Variants in ROCK1 observed in about 807,000 individuals in gnomAD.
The protein encoded by ROCK1 is rho-associated protein kinase 1.
In ROCK1, 36 loss-of-function variants were observed where a neutral mutation model predicts 196.8. The ratio of observed to expected loss-of-function variants is 0.18; its 90% CI spans 0.14 to 0.24. ROCK1 has a LOEUF of 0.24. Among genes scored for constraint, ROCK1 ranks in the 10% least tolerant of loss-of-function variants. ROCK1 has a pLI of 1.00. For missense variants in ROCK1, 920 were observed against 1,562.0 expected, an observed-to-expected ratio of 0.59 and a Z score of 6.93; for synonymous variants, 443 against 515.9, an observed-to-expected ratio of 0.86 and a Z score of 1.91.
intron 6 of ROCK1, 25 bp downstream of exon 6, chr18:21,044,077 C>T (rs1477228093): frequency 1.4e-6 from 2 of 1,446,310 alleles, no homozygotes; most frequent in Non-Finnish European, 9.6e-7. Flanking sequence ...TTAGCAAAAA[C>T]TAAATTAAAA....
intron 27 of ROCK1, among the ~76,000 whole-genome samples, chr18:20,961,433 A>T (rs2035325255): frequency 6.6e-6 from 1 of 152,186 alleles, no homozygotes; most frequent in South Asian, 2.1e-4. Flanking sequence ...AAGTCCATGA[A>T]TACAGGATAT....
chr18:21,104,106 A>G (rs751370182), intron 1 of ROCK1, among the ~76,000 whole-genome samples: 8 of 152,204 alleles, frequency 5.3e-5, no homozygotes, highest in Non-Finnish European at 1.2e-4. Context: ...ATAGAACTCT[A>G]TATATAATAT....
At chr18:21,096,498 G>A (rs2036614429) in intron 1 of ROCK1, among the ~76,000 whole-genome samples, 1 of 152,164 alleles carries the variant, frequency 6.6e-6, no homozygotes, top group Non-Finnish European at 1.5e-5. Context: ...ACCATGCCCA[G>A]CCTGTCTACA....
chr18:21,062,368 A>G (rs1238691021), intron 2 of ROCK1, among the ~76,000 whole-genome samples: 1 of 152,108 alleles, frequency 6.6e-6, no homozygotes, highest in African/African-American at 2.4e-5. Context: ...AAAAATGAGA[A>G]CAATTTAAGT....
chr18:21,023,570 C>T lies in ROCK1; in HGVS notation c.1272+50G>A, dbSNP rs747901724. On this transcript the variant is annotated intron_variant, in intron 11 of 32. Transcript: ENST00000399799. Reference sequence around the variant, plus strand: ...ACTATCATACCCACAAATATATTATCCACAAAACAATTTTAAAAACAATTT... The same window carrying T: ...ACTATCATACCCACAAATATATTATTCACAAAACAATTTTAAAAACAATTT... 36 of 1,003,346 alleles carry T rather than the reference C, an allele frequency of 3.6e-5. No homozygotes were observed. In the African/African-American group the frequency reaches 5.7e-4, roughly 16 times the overall value. 62.2% of individuals were successfully genotyped at this position (1,003,346 alleles called of 1,614,324 possible). A position where few individuals can be genotyped will look rare whatever the true frequency, so the allele number is the denominator to read the frequency against.
intron 9 of ROCK1, among the ~76,000 whole-genome samples, chr18:21,031,639 A>G: frequency 6.6e-6 from 1 of 151,220 alleles, no homozygotes; most frequent in East Asian, 1.9e-4. Flanking sequence ...AATAATATAG[A>G]AACCACCTCT....
chr18:20,959,079 T>TA (rs1289994985), intron 29 of ROCK1, among the ~76,000 whole-genome samples: 4 of 33,340 alleles, frequency 1.2e-4, no homozygotes, highest in Non-Finnish European at 1.7e-4. Flanking sequence ...TTATATAATA[T>TA]ATATATTTTA....
intron 1 of ROCK1, among the ~76,000 whole-genome samples, chr18:21,071,428 C>CA (rs2036384832): frequency 1.3e-5 from 2 of 152,124 alleles, no homozygotes; most frequent in Admixed American, 6.5e-5. Flanking sequence ...GCTCCTGTCT[C>CA]AGAGTCCCAA....
chr18:20,987,903 G>A (rs990201933), intron 18 of ROCK1, among the ~76,000 whole-genome samples: 1 of 151,910 alleles, frequency 6.6e-6, no homozygotes, highest in African/African-American at 2.4e-5. Flanking sequence ...ATGTTCTTCT[G>A]ACTCTTGGTA....
intron 1 of ROCK1, among the ~76,000 whole-genome samples, chr18:21,092,833 T>C (rs1308796315): frequency 6.6e-6 from 1 of 152,162 alleles, no homozygotes; most frequent in African/African-American, 2.4e-5. Context: ...CTATGACATA[T>C]CATCAAGGCA....
In ROCK1 at chr18:20,947,232, T is replaced by C. The variant is rs928680639; in HGVS notation, c.*4152A>G. ...TTATTCTTTTCCTACCTCACAAAAA[T>C]CTGAGTTACATATACTTTGGAGATA... On this transcript the variant is annotated 3_prime_UTR_variant, in exon 33 of 33. Transcript: ENST00000399799. The C allele has an allele frequency of 7.2e-5, 11 of 151,862 alleles. No individual in the cohort carries two copies. Among genetic ancestry groups the C allele is most frequent in the Non-Finnish European group, 1.5e-4 (10 of 67,964 alleles). 9.4% of individuals were successfully genotyped at this position (151,862 alleles called of 1,614,324 possible). A position where few individuals can be genotyped will look rare whatever the true frequency, so the allele number is the denominator to read the frequency against.
chr18:21,103,996 G>A (rs2036681441), intron 1 of ROCK1, among the ~76,000 whole-genome samples: 3 of 152,108 alleles, frequency 2.0e-5, no homozygotes, highest in Non-Finnish European at 4.4e-5. Context: ...CATGTGTGTC[G>A]TATCCAACAG....
At chr18:21,033,652 A>G (rs2036029570) in intron 9 of ROCK1, among the ~76,000 whole-genome samples, 1 of 152,002 alleles carries the variant, frequency 6.6e-6, no homozygotes, top group Non-Finnish European at 1.5e-5. Flanking sequence ...ACAAGATCAG[A>G]AATAAAAGTT....
intron 27 of ROCK1, among the ~76,000 whole-genome samples, chr18:20,965,867 G>A (rs1414505096): frequency 6.6e-6 from 1 of 152,038 alleles, no homozygotes; most frequent in Non-Finnish European, 1.5e-5. Context: ...TGAGGCCAGG[G>A]ATCACATAGC....
intron 22 of ROCK1, 125 bp downstream of exon 22, chr18:20,979,784 GA>G: frequency 6.9e-6 from 8 of 1,167,030 alleles, no homozygotes; most frequent in Non-Finnish European, 9.2e-6. Flanking sequence ...GATTTGTTCT[GA>G]ATTAGCCCAA....
At chr18:20,958,880 TAA>T (rs1185149873) in intron 29 of ROCK1, among the ~76,000 whole-genome samples, 31 of 111,416 alleles carry the variant, frequency 2.8e-4, no homozygotes, top group African/African-American at 1.0e-3. Flanking sequence ...ATTATATATA[TAA>T]ATATATATAT....
At chr18:20,971,519 A>G (rs1481585380) in intron 22 of ROCK1, among the ~76,000 whole-genome samples, 4 of 151,842 alleles carry the variant, frequency 2.6e-5, no homozygotes, top group African/African-American at 7.3e-5. Context: ...CGGGCAGATC[A>G]TGAGGTCAGG....
rs1378932544 is a variant in ROCK1, at chr18:20,946,965, A to C, written c.*4419T>G. ...CCTACATGGTACAAGAAACCAATTT[A>C]TAGGATTAACATACAAGTGTCACTT... On this transcript the variant is annotated 3_prime_UTR_variant, in exon 33 of 33. Coordinates refer to ENST00000399799, the MANE Select transcript of ROCK1 (RefSeq NM_005406.3). The C allele has an allele frequency of 6.6e-6, 1 of 152,232 alleles. No homozygotes were observed. The highest frequency in any genetic ancestry group is 1.5e-5 in the Non-Finnish European group (1 of 68,048). 9.4% of individuals were successfully genotyped at this position (152,232 alleles called of 1,614,324 possible).
chr18:21,038,331 C>T (rs1354952663), intron 9 of ROCK1, among the ~76,000 whole-genome samples: 3 of 152,114 alleles, frequency 2.0e-5, no homozygotes, highest in African/African-American at 7.2e-5. Flanking sequence ...GCTGCTCTTA[C>T]AGCTTCTCAG....
Sources: gnomAD v4.1 joint callset for allele counts (sites outside exome capture counted in the v4.1 genomes callset) on GRCh38, gnomAD v4.1.1 for gene constraint, MANE v1.5 for transcripts, NCBI Gene and HGNC (gene_info 2026-07-23, HGNC 2026-07-21) for gene names.